Variants in ARVCF observed in about 807,000 individuals in gnomAD.
The protein encoded by ARVCF is splicing regulator ARVCF.
ARVCF carries 66 observed loss-of-function variants against 90.9 expected under a neutral mutation model. That is an observed-to-expected ratio of 0.73 (90% CI 0.60 to 0.89). The LOEUF (loss-of-function observed/expected upper bound fraction) is 0.89. Ranked by LOEUF, ARVCF falls within the 40% of genes least tolerant of loss-of-function variation. The pLI is 0.00. For missense variants in ARVCF, 1,469 were observed against 1,382.3 expected (o/e 1.06, Z -1.00); for synonymous variants, 653 against 603.4 (o/e 1.08, Z -1.21).
chr22:19,987,088 C>T (rs770920638), intron 3 of ARVCF: 7 of 606,438 alleles, frequency 1.2e-5, no homozygotes, highest in South Asian at 7.2e-5. Flanking sequence ...TGAGTTCGGC[C>T]GGCATCGGGC....
At chr22:20,000,042 C>G (rs936633283) in intron 2 of ARVCF, among the ~76,000 whole-genome samples, 1 of 152,214 alleles carries the variant, frequency 6.6e-6, no homozygotes, top group Non-Finnish European at 1.5e-5. Flanking sequence ...TTGGGGACAA[C>G]AGCCTGTCCC....
downstream of ARVCF, among the ~76,000 whole-genome samples, chr22:19,966,394 A>C (rs1942392885): frequency 6.6e-6 from 1 of 151,090 alleles, no homozygotes; most frequent in African/African-American, 2.4e-5. Flanking sequence ...TGTAGTCACC[A>C]AGTCCAGCCC....
intron 11 of ARVCF, among the ~76,000 whole-genome samples, chr22:19,975,022 A>G (rs1943071480): frequency 6.6e-6 from 1 of 152,094 alleles, no homozygotes; most frequent in African/African-American, 2.4e-5. Context: ...GCCAGTCCTC[A>G]TGCCCCATGC....
chr22:19,998,010 G>A (rs1944316861), intron 2 of ARVCF, among the ~76,000 whole-genome samples: 1 of 152,226 alleles, frequency 6.6e-6, no homozygotes, highest in African/African-American at 2.4e-5. Flanking sequence ...GGTGGGCACA[G>A]GGACCAAAGC....
chr22:19,977,781 T>C (rs1047768443), intron 8 of ARVCF, among the ~76,000 whole-genome samples, 177 bp downstream of exon 8: 1 of 152,198 alleles, frequency 6.6e-6, no homozygotes, highest in Non-Finnish European at 1.5e-5. Flanking sequence ...CGGCACACCT[T>C]CTGCCTGCAG....
At chr22:19,968,978 C>G (rs1289399792), downstream of ARVCF, 6 of 430,900 alleles carry the variant, frequency 1.4e-5, no homozygotes, top group Non-Finnish European at 8.4e-6. Flanking sequence ...ATACTAATAT[C>G]ATGTTTTAAA....
chr22:19,976,987 C>A (rs1943193316), intron 9 of ARVCF, among the ~76,000 whole-genome samples: 1 of 152,164 alleles, frequency 6.6e-6, no homozygotes, highest in Non-Finnish European at 1.5e-5. Context: ...AACCTACACC[C>A]TGCTAGTGCA....
In ARVCF at chr22:19,978,039, T is replaced by A. The variant is rs1386829506; in HGVS notation, c.1617A>T (p.Arg539=). ...CCACCAGCCCTTCACACTCCCGGAG[T>A]CGCCGCCGGGCCTCAGCACCATCGG... The part of the protein sequence containing the change: ...VSSDGAEARR[R]LRECEGLVDA... The change falls in exon 8 of 20, where the codon CGA becomes CGT. Residue 539 remains arginine (R), a synonymous_variant. Coordinates refer to ENST00000263207, the MANE Select transcript of ARVCF (RefSeq NM_001670.3). The A allele has an allele frequency of 6.2e-7, 1 of 1,610,090 alleles. No individual in the cohort carries two copies. Among genetic ancestry groups the A allele is most frequent in the East Asian group, 2.2e-5 (1 of 44,786 alleles).
At chr22:19,974,024 C>T in intron 12 of ARVCF, 88 bp downstream of exon 12, 2 of 1,531,390 alleles carry the variant, frequency 1.3e-6, no homozygotes, top group Non-Finnish European at 1.8e-6. Context: ...CCTCCTTTCC[C>T]CGCCAGCCGA....
At chr22:19,986,662 T>A (rs1009343771) in intron 3 of ARVCF, 2 of 174,684 alleles carry the variant, frequency 1.1e-5, no homozygotes. Flanking sequence ...CGGGCTTCCC[T>A]CTTCAGACTT....
intron 3 of ARVCF, among the ~76,000 whole-genome samples, chr22:19,984,214 C>A (rs1255713795): frequency 6.6e-6 from 1 of 152,178 alleles, no homozygotes; most frequent in Non-Finnish European, 1.5e-5. Flanking sequence ...ACCCCCTCTT[C>A]CCTAGCTAGG....
At chr22:19,967,091 C>A (rs1942440886), downstream of ARVCF, 6 of 1,244,418 alleles carry the variant, frequency 4.8e-6, no homozygotes, top group South Asian at 8.5e-5. Flanking sequence ...AGGAGTGGGC[C>A]CCTGGCAGCC....
At chr22:20,007,655 C>T (rs201710017) in intron 2 of ARVCF, among the ~76,000 whole-genome samples, 29 of 152,280 alleles carry the variant, frequency 1.9e-4, no homozygotes, top group East Asian at 1.2e-3. Context: ...TTTGTTATCT[C>T]GGGAGCAGGT....
At chr22:19,972,219 A>T in intron 17 of ARVCF, 139 bp downstream of exon 17, 28 of 963,932 alleles carry the variant, frequency 2.9e-5, no homozygotes, top group Non-Finnish European at 4.4e-5. Context: ...GCTGCCCTGT[A>T]CCTCACCCTC....
chr22:19,971,399 C>G lies in ARVCF; in HGVS notation c.2782-64G>C. On this transcript the variant is annotated intron_variant, in intron 18 of 19. Coordinates refer to ENST00000263207, the MANE Select transcript of ARVCF (RefSeq NM_001670.3). ...AGGTTAGTTAGAGCTCCTGGGGGGA[C>G]AGGGCAGGGGCAGGGCCGAGGCTGG... The G allele has an allele frequency of 2.6e-6, 4 of 1,509,774 alleles. No individual in the cohort carries two copies. In the Admixed American group the frequency reaches 8.4e-5, roughly 32 times the overall value. The allele number at this position is 1,509,774 out of a possible 1,614,324, so 93.5% of individuals were successfully genotyped here. A position where few individuals can be genotyped will look rare whatever the true frequency, so the allele number is the denominator to read the frequency against.
chr22:19,971,514 GCACGTGCACA>G (rs1366475637), intron 18 of ARVCF, among the ~76,000 whole-genome samples, 179 bp from the exon 19 acceptor site: 1 of 152,202 alleles, frequency 6.6e-6, no homozygotes, highest in Non-Finnish European at 1.5e-5. Context: ...CCCAGGGCGG[GCACGTGCACA>G]CACACAGGCC....
intron 1 of ARVCF, among the ~76,000 whole-genome samples, chr22:20,013,713 C>G (rs1944920852): frequency 6.6e-6 from 1 of 151,862 alleles, no homozygotes; most frequent in African/African-American, 2.4e-5. Context: ...ACTCTGTGGC[C>G]CCAGGCACCC....
downstream of ARVCF, chr22:19,969,874 C>G (rs1942647902): frequency 2.0e-6 from 2 of 985,448 alleles, no homozygotes; most frequent in Non-Finnish European, 2.4e-6. Context: ...TGTGCCAGAC[C>G]TGAGTGGCAG....
rs762571181 is a variant in ARVCF, at chr22:19,972,718, C to T, written c.2641+19G>A. The T allele has an allele frequency of 6.3e-7, 1 of 1,595,738 alleles. No homozygotes were observed. The highest frequency in any genetic ancestry group is 1.1e-5 in the South Asian group (1 of 87,706). ...GCTGGGGTCGCCACCCTCTAGGCTC[C>T]CTAAGCTCCACCACTCACCAAGGCT... On this transcript the variant is annotated intron_variant, in intron 16 of 19. Transcript: ENST00000263207.
Sources: gnomAD v4.1 joint callset for allele counts (sites outside exome capture counted in the v4.1 genomes callset) on GRCh38, gnomAD v4.1.1 for gene constraint, MANE v1.5 for transcripts, NCBI Gene and HGNC (gene_info 2026-07-23, HGNC 2026-07-21) for gene names.